The following RBFOX3 variants were observed in gnomAD, a reference collection of about 807,000 sequenced individuals.
The protein encoded by RBFOX3 is RNA binding fox-1 homolog 3.
RBFOX3 carries 17 observed loss-of-function variants against 48.7 expected under a neutral mutation model. That is an observed-to-expected ratio of 0.35 (90% CI 0.24 to 0.52). RBFOX3 has a LOEUF of 0.52. Ranked by LOEUF, RBFOX3 falls within the 20% of genes least tolerant of loss-of-function variation. RBFOX3 has a pLI of 0.94. For missense variants in RBFOX3, 382 were observed against 497.5 expected (o/e 0.77, Z 2.21); for synonymous variants, 212 against 209.5 (o/e 1.01, Z -0.10).
intron 2 of RBFOX3, among the ~76,000 whole-genome samples, chr17:79,343,999 C>T (rs78783696): frequency 0.011 from 1,627 of 152,272 alleles, 27 homozygotes; most frequent in African/African-American, 0.038. Flanking sequence ...ATGAGAGATG[C>T]CAGGAAGATG....
At chr17:79,395,879 A>T (rs748503512) in intron 2 of RBFOX3, among the ~76,000 whole-genome samples, 1 of 152,080 alleles carries the variant, frequency 6.6e-6, no homozygotes. Flanking sequence ...GAAGGGGTAG[A>T]CCCTCACCTG....
In RBFOX3 at chr17:79,252,642, A is replaced by G. The variant is rs8066487; in HGVS notation, c.-73-16837T>C. Among the ~76,000 whole-genome samples, 117,962 of 152,034 alleles carry G rather than the reference A, an allele frequency of 0.78. 46,351 individuals are homozygous for G. The highest frequency in any genetic ancestry group is 0.94 in the Middle Eastern group (275 of 294). The stretch of plus-strand genomic sequence containing the variant: ...TCCAGAACTGCAAGGCCACCCATCC[A>G]GCTCGTTTCAAGCCGCTACGTTTGT... On this transcript the variant is annotated intron_variant, in intron 3 of 14. Coordinates refer to ENST00000693108, the MANE Select transcript of RBFOX3 (RefSeq NM_001350451.2). This position sits in a 1 kb window ranked among gnomAD's most constrained non-coding sequence, Gnocchi z 4.0.
At chr17:79,401,637 C>T (rs943082276) in intron 2 of RBFOX3, among the ~76,000 whole-genome samples, 4 of 152,214 alleles carry the variant, frequency 2.6e-5, no homozygotes, top group Non-Finnish European at 5.9e-5. Context: ...CAGCTCATTT[C>T]TCCCTTCACC....
chr17:79,619,548 C>G, the RBFOX3 span, among the ~76,000 whole-genome samples: 1 of 152,156 alleles, frequency 6.6e-6, no homozygotes, highest in African/African-American at 2.4e-5. Flanking sequence ...TTAGGGCCAC[C>G]CTGATCCTGT....
intron 3 of RBFOX3, among the ~76,000 whole-genome samples, chr17:79,268,718 C>A (rs1027107779): frequency 6.6e-6 from 1 of 152,194 alleles, no homozygotes; most frequent in Non-Finnish European, 1.5e-5. Flanking sequence ...CGCTCCCTGA[C>A]TTCCCACACC....
rs563403062 is a variant in RBFOX3, at chr17:79,439,408, C to G, written c.-175+43046G>C. ...ATCTCACTGTGATTTCATCTCTCCT[C>G]GCCTTTGCCCAGATGTCCCGTAACC... On this transcript the variant is annotated intron_variant, in intron 2 of 14. Coordinates refer to ENST00000693108, the MANE Select transcript of RBFOX3 (RefSeq NM_001350451.2). Among the ~76,000 whole-genome samples, 183 of 152,368 alleles carry G rather than the reference C, an allele frequency of 1.2e-3. 1 individual carries two copies. The highest frequency in any genetic ancestry group is 4.3e-3 in the African/African-American group (177 of 41,580).
chr17:79,092,971 CT>C lies in RBFOX3; in HGVS notation c.1077+1479del, dbSNP rs1465819610. On this transcript the variant is annotated intron_variant, in intron 14 of 14. Transcript: ENST00000693108. The stretch of plus-strand genomic sequence containing the variant: ...TCCTTATGCAGAGGGGGGGTCCCAG[CT>C]TGAGCCCCACCTCCTCGCACCCCAG... Among the ~76,000 whole-genome samples, 101 of 152,272 alleles carry C rather than the reference CT, an allele frequency of 6.6e-4. 1 individual carries two copies. The highest frequency in any genetic ancestry group is 2.4e-3 in the African/African-American group (99 of 41,542).
chr17:79,348,524 T>G (rs935123431), intron 2 of RBFOX3, among the ~76,000 whole-genome samples: 2 of 151,032 alleles, frequency 1.3e-5, no homozygotes, highest in African/African-American at 2.4e-5. Flanking sequence ...AAGGAGCTAG[T>G]GGTCTTGCTG....
At chr17:79,228,988 G>A (rs1419790359) in intron 4 of RBFOX3, among the ~76,000 whole-genome samples, 2 of 151,886 alleles carry the variant, frequency 1.3e-5, no homozygotes, top group African/African-American at 4.8e-5. Flanking sequence ...AGCACTTTGG[G>A]AGGCCGAGAT....
At chr17:79,404,549 G>T (rs1007016241) in intron 2 of RBFOX3, among the ~76,000 whole-genome samples, 1 of 152,166 alleles carries the variant, frequency 6.6e-6, no homozygotes, top group African/African-American at 2.4e-5. Context: ...AGCACTGGGG[G>T]TCCAGTCTCA....
intron 2 of RBFOX3, among the ~76,000 whole-genome samples, chr17:79,398,840 C>G (rs148831107): frequency 0.014 from 2,179 of 152,218 alleles, 49 homozygotes; most frequent in African/African-American, 0.047. Context: ...CAGTGCACAG[C>G]TGAACTGTGT....
Position 79,380,334 on chromosome 17 carries a change from A to G in RBFOX3, c.-174-72510T>C, listed in dbSNP as rs549689981. 6.0e-4 allele frequency among the ~76,000 whole-genome samples: 91 copies of G among 152,388 alleles called. 1 individual carries two copies. The highest frequency in any genetic ancestry group is 1.2e-3 in the South Asian group (6 of 4,832). On this transcript the variant is annotated intron_variant, in intron 2 of 14. Coordinates refer to ENST00000693108, the MANE Select transcript of RBFOX3 (RefSeq NM_001350451.2). ...TACGGCTCTGCCTAATCAAATTAACAAAGTCTTTTTTAATTTTCAATTATC... is the reference window on the plus strand; with the variant it reads ...TACGGCTCTGCCTAATCAAATTAACGAAGTCTTTTTTAATTTTCAATTATC...
At chr17:79,620,036 TATGCACACACGCAC>T in the RBFOX3 span, among the ~76,000 whole-genome samples, 2 of 118,752 alleles carry the variant, frequency 1.7e-5, no homozygotes, top group Non-Finnish European at 3.6e-5. Context: ...CACACATGCA[TATGCACACACGCAC>T]ATGCACACAT....
At chr17:79,155,336 C>T (rs749999287) in intron 4 of RBFOX3, among the ~76,000 whole-genome samples, 75 of 152,316 alleles carry the variant, frequency 4.9e-4, no homozygotes, top group Admixed American at 3.3e-4. Context: ...CCCCGCTCCT[C>T]GGGCAACCCC....
chr17:79,590,160 C>A (rs2093376012), intron 1 of RBFOX3, among the ~76,000 whole-genome samples: 2 of 152,102 alleles, frequency 1.3e-5, no homozygotes, highest in Non-Finnish European at 2.9e-5. Context: ...CACTTCTTTA[C>A]CATCCCCATC....
chr17:79,403,139 C>G (rs544375214), intron 2 of RBFOX3, among the ~76,000 whole-genome samples: 16 of 152,164 alleles, frequency 1.1e-4, no homozygotes, highest in Admixed American at 8.5e-4. Flanking sequence ...CTCCCTCCCC[C>G]TCGCTGGGGC....
chr17:79,317,953 G>A (rs757169861), intron 2 of RBFOX3, among the ~76,000 whole-genome samples: 2 of 152,050 alleles, frequency 1.3e-5, no homozygotes, highest in African/African-American at 4.8e-5. Context: ...TATTTTTCTA[G>A]GAATGGAAGT....
intron 4 of RBFOX3, among the ~76,000 whole-genome samples, chr17:79,134,520 T>C (rs2039712698): frequency 6.6e-6 from 1 of 152,214 alleles, no homozygotes; most frequent in South Asian, 2.1e-4. Context: ...TGGGACACAG[T>C]GAGGTCTGTG....
intron 2 of RBFOX3, among the ~76,000 whole-genome samples, chr17:79,410,486 G>A (rs1042247431): frequency 2.6e-5 from 4 of 152,174 alleles, no homozygotes; most frequent in African/African-American, 9.7e-5. Flanking sequence ...TTTATCAGGT[G>A]GGCCTGACCT....
Sources: gnomAD v4.1 joint callset for allele counts (sites outside exome capture counted in the v4.1 genomes callset) on GRCh38, gnomAD v4.1.1 for gene constraint, Gnocchi (gnomAD v3.1) non-coding constraint, MANE v1.5 for transcripts, NCBI Gene and HGNC (gene_info 2026-07-23, HGNC 2026-07-21) for gene names.